PTPRJ: variants seen among roughly 807,000 people sequenced by gnomAD.
The protein encoded by PTPRJ is protein tyrosine phosphatase receptor type J, also known as receptor-type tyrosine-protein phosphatase eta.
Under a neutral mutation model 141.3 loss-of-function variants are expected in PTPRJ, and 129 were observed. The observed-to-expected ratio is 0.91, with a 90% CI of 0.79 to 1.06. The LOEUF (loss-of-function observed/expected upper bound fraction) is 1.06. PTPRJ is among the 50% of genes least tolerant of loss of function. The pLI is 0.00. For synonymous variants in PTPRJ, 610 were observed against 640.5 expected (o/e 0.95, Z 0.72); for missense variants, 1,601 against 1,679.7 (o/e 0.95, Z 0.82).
intron 1 of PTPRJ, among the ~76,000 whole-genome samples, chr11:48,002,127 C>T (rs1590395035): frequency 6.9e-6 from 1 of 145,634 alleles, no homozygotes; most frequent in South Asian, 2.1e-4. Flanking sequence ...AGTGCATTTT[C>T]CTATTTAAAT....
At chr11:48,102,207 C>A (rs543240692) in intron 1 of PTPRJ, among the ~76,000 whole-genome samples, 2 of 152,146 alleles carry the variant, frequency 1.3e-5, no homozygotes, top group Non-Finnish European at 1.5e-5. Flanking sequence ...AAATCAACAT[C>A]GTGGGGGCAG....
chr11:48,072,803 A>G (rs1167430772), intron 1 of PTPRJ, among the ~76,000 whole-genome samples: 1 of 152,242 alleles, frequency 6.6e-6, no homozygotes, highest in Non-Finnish European at 1.5e-5. Context: ...ATGAACATTA[A>G]TAGTCATCTA....
chr11:48,083,163 C>T (rs1219212216), intron 1 of PTPRJ, among the ~76,000 whole-genome samples: 1 of 152,180 alleles, frequency 6.6e-6, no homozygotes, highest in Non-Finnish European at 1.5e-5. Flanking sequence ...CGGTGGCTCA[C>T]GCCTGTAATC....
At chr11:47,992,078 T>C (rs1565246907) in intron 1 of PTPRJ, among the ~76,000 whole-genome samples, 1 of 152,196 alleles carries the variant, frequency 6.6e-6, no homozygotes, top group Non-Finnish European at 1.5e-5. Flanking sequence ...TTTAAAAAGG[T>C]ATGACTCAGA....
chr11:48,017,758 G>A (rs1854988826), intron 1 of PTPRJ, among the ~76,000 whole-genome samples: 3 of 152,206 alleles, frequency 2.0e-5, no homozygotes, highest in Admixed American at 6.5e-5. Context: ...AGGGCCCACT[G>A]GCTGCAGAGA....
chr11:48,135,848 G>A (rs534299430), intron 8 of PTPRJ, among the ~76,000 whole-genome samples, 191 bp from the exon 9 acceptor site: 55 of 152,314 alleles, frequency 3.6e-4, no homozygotes, highest in African/African-American at 1.2e-3. Flanking sequence ...GTTCATGTGC[G>A]TCACAGAAGA....
chr11:48,053,120 TTA>T (rs2134249368), intron 1 of PTPRJ, among the ~76,000 whole-genome samples: 1 of 119,490 alleles, frequency 8.4e-6, no homozygotes. Context: ...ATAAAATATA[TTA>T]TATATAAATA....
rs116338342 is a variant in PTPRJ at position 48,156,962 on chromosome 11, C to T, written c.3438+843C>T. Among the ~76,000 whole-genome samples the T allele has an allele frequency of 3.8e-3, 580 of 151,942 alleles. 2 individuals are homozygous for T. The highest frequency in any genetic ancestry group is 0.014 in the African/African-American group (567 of 41,428). On this transcript the variant is annotated intron_variant, in intron 21 of 24. Transcript: ENST00000418331. ...AGCAGCCTCCTCTCTCCTGCAACGT[C>T]CTGAAATCCCTCTTCTGCTTCCATC... is the stretch of plus-strand genomic sequence containing the variant.
intron 1 of PTPRJ, among the ~76,000 whole-genome samples, chr11:48,092,945 A>G (rs1039379106): frequency 1.3e-5 from 2 of 152,206 alleles, no homozygotes; most frequent in East Asian, 1.9e-4. Context: ...GAGTTTGCAA[A>G]TAGCTTTTCA....
intron 18 of PTPRJ, among the ~76,000 whole-genome samples, chr11:48,151,955 T>C (rs1329897271): frequency 6.6e-6 from 1 of 152,370 alleles, no homozygotes; most frequent in South Asian, 2.1e-4. Flanking sequence ...CCTTTGGGTA[T>C]ATACCCAGTA....
At chr11:48,011,192 C>A (rs1854774565) in intron 1 of PTPRJ, among the ~76,000 whole-genome samples, 1 of 152,112 alleles carries the variant, frequency 6.6e-6, no homozygotes, top group South Asian at 2.1e-4. Context: ...ATCTATAAGA[C>A]TTGATTAGTT....
chr11:48,121,391 G>A, intron 4 of PTPRJ, 125 bp downstream of exon 4: 1 of 1,070,440 alleles, frequency 9.3e-7, no homozygotes, highest in Non-Finnish European at 1.3e-6. Flanking sequence ...GAGGAGAAAA[G>A]GTGCTATGTT....
chr11:48,061,653 T>C (rs1854927230), intron 1 of PTPRJ, among the ~76,000 whole-genome samples: 1 of 152,154 alleles, frequency 6.6e-6, no homozygotes, highest in African/African-American at 2.4e-5. Context: ...ACCACCTCTC[T>C]GTTATGTACC....
chr11:48,156,557 C>T (rs1180095138), intron 21 of PTPRJ, among the ~76,000 whole-genome samples: 3 of 147,886 alleles, frequency 2.0e-5, no homozygotes, highest in African/African-American at 5.0e-5. Flanking sequence ...CACTGAACCC[C>T]TCCTGCCTCC....
At chr11:48,018,166 T>A (rs1854997273) in intron 1 of PTPRJ, among the ~76,000 whole-genome samples, 1 of 151,656 alleles carries the variant, frequency 6.6e-6, no homozygotes, top group Non-Finnish European at 1.5e-5. Flanking sequence ...GTATATTTCC[T>A]TCCTGTTTTT....
chr11:47,997,544 C>T (rs1199903738), intron 1 of PTPRJ, among the ~76,000 whole-genome samples: 1 of 152,138 alleles, frequency 6.6e-6, no homozygotes, highest in South Asian at 2.1e-4. Context: ...ATCTAGGTGT[C>T]GAGTTCTTCC....
In PTPRJ at chr11:48,112,744, T is replaced by C; in HGVS notation, c.116-3T>C. On this transcript the variant is annotated splice_region_variant and splice_polypyrimidine_tract_variant and intron_variant, in intron 2 of 24. Transcript: ENST00000418331. ...AATCTAATTGTTTACTTTCTTTGCATAGCCCCTAGTCCAATTCCTGACCCT... is the reference window on the plus strand; with the variant it reads ...AATCTAATTGTTTACTTTCTTTGCACAGCCCCTAGTCCAATTCCTGACCCT... The C allele has an allele frequency of 6.2e-7, 1 of 1,601,896 alleles. No homozygotes were observed.
intron 1 of PTPRJ, among the ~76,000 whole-genome samples, chr11:48,059,110 C>CTT (rs917350262): frequency 2.7e-4 from 28 of 102,146 alleles, no homozygotes; most frequent in East Asian, 7.6e-4. Flanking sequence ...TGTGCTGTGC[C>CTT]TTTTTTTTTT....
At chr11:48,130,747 CA>C in intron 8 of PTPRJ, 31 bp downstream of exon 8, 10 of 1,544,872 alleles carry the variant, frequency 6.5e-6, no homozygotes, top group Non-Finnish European at 8.8e-6. Context: ...GTTAAACCAT[CA>C]TGTTTCTTAA....
Sources: gnomAD v4.1 joint callset for allele counts (sites outside exome capture counted in the v4.1 genomes callset) on GRCh38, gnomAD v4.1.1 for gene constraint, MANE v1.5 for transcripts, NCBI Gene and HGNC (gene_info 2026-07-23, HGNC 2026-07-21) for gene names.